FBF1: variants seen among roughly 807,000 people sequenced by gnomAD.
FBF1 encodes fas-binding factor 1.
In FBF1, 119 loss-of-function variants were observed where a neutral mutation model predicts 147.2. The observed-to-expected ratio is 0.81, with a 90% CI of 0.70 to 0.94. FBF1 has a LOEUF of 0.94. Ranked by LOEUF, FBF1 falls within the 40% of genes least tolerant of loss-of-function variation. The probability of loss-of-function intolerance (pLI) is 0.00; values close to 1 mark genes in which losing one functional copy is unlikely to be tolerated. For synonymous variants in FBF1, 601 were observed against 609.0 expected (o/e 0.99, Z 0.19); for missense variants, 1,449 against 1,500.8 (o/e 0.97, Z 0.57).
chr17:75,914,890 C>A lies in FBF1; in HGVS notation c.2671G>T (p.Gly891Trp), dbSNP rs200319918. 2.9e-4 allele frequency: 474 copies of A among 1,612,352 alleles called. 2 individuals are homozygous for A. Among genetic ancestry groups the A allele is most frequent in the South Asian group, 1.6e-3 (150 of 91,022 alleles). Residue 891 changes from glycine (G) to tryptophan (W), a missense_variant, in exon 25 of 30, where the codon GGG (glycine) becomes TGG (tryptophan). Physicochemically the swap from Gly to Trp is radical, Grantham distance 184. Coordinates refer to ENST00000636174, the MANE Select transcript of FBF1 (RefSeq NM_001319193.2). ...GCAGCCAGGCGCCGCCGCTCCTCCC[C>A]GCACTTGAGCATGACAGACTTCTGC... is the stretch of plus-strand genomic sequence containing the variant. Reference protein sequence around the residue: ...EEQKSVMLKCGEERRRLAAEW... With the variant: ...EEQKSVMLKCWEERRRLAAEW...
chr17:75,930,619 A>G (rs2065588559), intron 6 of FBF1, among the ~76,000 whole-genome samples: 1 of 152,040 alleles, frequency 6.6e-6, no homozygotes, highest in Non-Finnish European at 1.5e-5. Context: ...ATTACCTACT[A>G]AAAATACAAA....
intron 6 of FBF1, 103 bp from the exon 7 acceptor site, chr17:75,930,150 G>A (rs72865811): frequency 0.08 from 68,756 of 857,636 alleles, 3,857 homozygotes; most frequent in African/African-American, 0.23. Context: ...GGCAGACGGC[G>A]CGGCAGGAGC....
rs1442458492 is a variant in FBF1, at chr17:75,919,882, C to A, written c.1932-8G>T. 1.6e-5 allele frequency: 26 copies of A among 1,613,554 alleles called. No homozygotes were observed. The highest frequency in any genetic ancestry group is 2.1e-5 in the Non-Finnish European group (25 of 1,179,882). On this transcript the variant is annotated splice_polypyrimidine_tract_variant and splice_region_variant and intron_variant, in intron 19 of 29. Transcript: ENST00000636174. The surrounding 1 kb of genome is among the most constrained non-coding windows in gnomAD (Gnocchi z 5.0). Reference sequence around the variant, plus strand: ...AGCACCTTGATGCGGCTTCTGCCAACAGAACACCCAGCCATGGCGCAAGGA... The same window carrying A: ...AGCACCTTGATGCGGCTTCTGCCAAAAGAACACCCAGCCATGGCGCAAGGA...
Position 75,921,309 on chromosome 17 carries a change from C to T in FBF1, c.1616-7G>A. 2 of 1,586,868 alleles carry T rather than the reference C, an allele frequency of 1.3e-6. No homozygotes were observed. The highest frequency in any genetic ancestry group is 2.3e-5 in the East Asian group (1 of 43,584). On this transcript the variant is annotated splice_polypyrimidine_tract_variant and splice_region_variant and intron_variant, in intron 16 of 29. Transcript: ENST00000636174. Reference sequence around the variant, plus strand: ...GGGAAACACGTGGCAGGCTCTGAAACATCAACAACAGAGAAATGAACAGGA... The same window carrying T: ...GGGAAACACGTGGCAGGCTCTGAAATATCAACAACAGAGAAATGAACAGGA...
chr17:75,925,498 A>C lies in FBF1; in HGVS notation c.869-52T>G. On this transcript the variant is annotated intron_variant, in intron 12 of 29. Transcript: ENST00000636174. This position sits in a 1 kb window ranked among gnomAD's most constrained non-coding sequence, Gnocchi z 5.0. ...GATCTGGAGTAGGGGAACCAAGCTC[A>C]TTTGCGGCTGCAAAATTCTAACAAA... The C allele has an allele frequency of 1.4e-5, 21 of 1,498,140 alleles. No homozygotes were observed. Among genetic ancestry groups the C allele is most frequent in the Non-Finnish European group, 1.7e-5 (19 of 1,097,374 alleles). 92.8% of individuals were successfully genotyped at this position (1,498,140 alleles called of 1,614,324 possible).
intron 23 of FBF1, among the ~76,000 whole-genome samples, chr17:75,916,007 C>CAAAAAAAAAA (rs35055735): frequency 1.5e-5 from 1 of 65,470 alleles, no homozygotes; most frequent in Non-Finnish European, 2.8e-5. Context: ...GACTCTGACT[C>CAAAAAAAAAA]AAAAAAAAAA....
In FBF1 at chr17:75,935,598, C is replaced by A. The variant is rs746282473; in HGVS notation, c.73+34G>T. 2.6e-6 allele frequency: 4 copies of A among 1,531,028 alleles called. No homozygotes were observed. The South Asian group carries it at 4.8e-5, about 18-fold the overall frequency. The allele number at this position is 1,531,028 out of a possible 1,614,324, so 94.8% of individuals were successfully genotyped here. On this transcript the variant is annotated intron_variant, in intron 4 of 29. Coordinates refer to ENST00000636174, the MANE Select transcript of FBF1 (RefSeq NM_001319193.2). Reference sequence around the variant, plus strand: ...AAGAAAAAAAAGCAACAGCAGCAGCCCAAATTAGGGGATTCTGGGCAAGGC... The same window carrying A: ...AAGAAAAAAAAGCAACAGCAGCAGCACAAATTAGGGGATTCTGGGCAAGGC...
In FBF1 at chr17:75,910,933, G is replaced by A; in HGVS notation, c.3364-127C>T. 3.9e-6 allele frequency: 3 copies of A among 766,090 alleles called. No individual in the cohort carries two copies. 47.5% of individuals were successfully genotyped at this position (766,090 alleles called of 1,614,324 possible). On this transcript the variant is annotated intron_variant, in intron 29 of 29. Coordinates refer to ENST00000636174, the MANE Select transcript of FBF1 (RefSeq NM_001319193.2). This position sits in a 1 kb window ranked among gnomAD's most constrained non-coding sequence, Gnocchi z 4.1. ...ATCGTCCCTGACTCTGCCTGGCTCT[G>A]GGAGTCAGCAGGGGCCATGAAAGAG...
chr17:75,926,146 G>C lies in FBF1; in HGVS notation c.752C>G (p.Ala251Gly), dbSNP rs2065560234. 1 of 1,608,530 alleles carries C rather than the reference G, an allele frequency of 6.2e-7. No individual in the cohort carries two copies. Among genetic ancestry groups the C allele is most frequent in the South Asian group, 1.1e-5 (1 of 90,408 alleles). Residue 251 changes from alanine (A) to glycine (G), a missense_variant, in exon 12 of 30, where the codon GCT becomes GGT. Physicochemically the swap from Ala to Gly is moderately conservative, Grantham distance 60 (BLOSUM62 0). Transcript: ENST00000636174. Reference protein sequence around the residue: ...QIGDQEGPRPARSTLDELLGR... With the variant: ...QIGDQEGPRPGRSTLDELLGR... The stretch of plus-strand genomic sequence containing the variant: ...CAGCAGCTCATCCAGCGTGGAGCGA[G>C]CAGGGCGAGGCCCTTCCCTGCAGGA...
intron 1 of FBF1, chr17:75,940,456 A>T (rs1345809515): frequency 6.6e-6 from 1 of 151,414 alleles, no homozygotes; most frequent in Non-Finnish European, 1.5e-5. Flanking sequence ...GGGTCTCCCT[A>T]TGTTGCCCAG....
At chr17:75,938,376 C>G (rs1282598131) in intron 1 of FBF1, 144 bp from the exon 2 acceptor site, 2 of 625,060 alleles carry the variant, frequency 3.2e-6, no homozygotes, top group Admixed American at 2.8e-5. Context: ...GCCTGGCCAA[C>G]ATGGTGAAAC....
chr17:75,934,652 G>A (rs931308203), intron 4 of FBF1, among the ~76,000 whole-genome samples: 2 of 152,104 alleles, frequency 1.3e-5, no homozygotes, highest in African/African-American at 2.4e-5. Context: ...GCCAAGATGG[G>A]TGGATCACCT....
At chr17:75,916,256 G>A (rs1365942200) in intron 23 of FBF1, among the ~76,000 whole-genome samples, 1 of 151,588 alleles carries the variant, frequency 6.6e-6, no homozygotes, top group Non-Finnish European at 1.5e-5. Context: ...GGAGGTTCAA[G>A]CTGCAGTGGG....
chr17:75,939,285 ACT>A (rs1307296688), intron 1 of FBF1, among the ~76,000 whole-genome samples: 2 of 125,710 alleles, frequency 1.6e-5, no homozygotes, highest in East Asian at 2.2e-4. Context: ...AACATGCGAG[ACT>A]CTGTCTCCAA....
At chr17:75,916,935 CTG>C (rs2065492553) in intron 23 of FBF1, among the ~76,000 whole-genome samples, 1 of 152,254 alleles carries the variant, frequency 6.6e-6, no homozygotes, top group South Asian at 2.1e-4. Flanking sequence ...ACTGCAGCCT[CTG>C]TGTCCTAGAT....
intron 3 of FBF1, among the ~76,000 whole-genome samples, chr17:75,936,329 GA>G (rs2065624916): frequency 7.0e-6 from 1 of 142,752 alleles, no homozygotes; most frequent in Admixed American, 6.9e-5. Context: ...ACAACAAAAA[GA>G]CCCCCCCCAA....
intron 1 of FBF1, chr17:75,939,956 T>G (rs968171510): frequency 1.3e-5 from 2 of 152,306 alleles, no homozygotes; most frequent in African/African-American, 4.8e-5. Flanking sequence ...TTCTTTTTTT[T>G]CTTTTTTTAG....
chr17:75,927,354 T>C (rs2065568428), intron 9 of FBF1, 101 bp downstream of exon 9: 8 of 940,358 alleles, frequency 8.5e-6, no homozygotes, highest in African/African-American at 3.3e-5. Flanking sequence ...GTGGCACCCA[T>C]GTGACATAGG....
At position 75,941,040 on chromosome 17, in the gene FBF1, T is replaced by G. The variant is rs2065661587; in HGVS notation, c.-276A>C. 6.6e-6 allele frequency: 1 copy of G among 152,238 alleles called. No homozygotes were observed. Among genetic ancestry groups the G allele is most frequent in the Non-Finnish European group, 1.5e-5 (1 of 68,070 alleles). 9.4% of individuals were successfully genotyped at this position (152,238 alleles called of 1,614,324 possible). On this transcript the variant is annotated 5_prime_UTR_variant, in exon 1 of 30. Transcript: ENST00000636174. ...CAGCCGCTGCCGGCACCCTCAGCCGTCTGGCCTCCCGCGGAAAGGCGGGCG... is the reference window on the plus strand; with the variant it reads ...CAGCCGCTGCCGGCACCCTCAGCCGGCTGGCCTCCCGCGGAAAGGCGGGCG...
Sources: gnomAD v4.1 joint callset for allele counts (sites outside exome capture counted in the v4.1 genomes callset) on GRCh38, gnomAD v4.1.1 for gene constraint, Gnocchi (gnomAD v3.1) non-coding constraint, MANE v1.5 for transcripts, NCBI Gene and HGNC (gene_info 2026-07-23, HGNC 2026-07-21) for gene names.